VCAM1: variants seen among roughly 807,000 people sequenced by gnomAD.
The protein encoded by VCAM1 is vascular cell adhesion molecule 1.
Under a neutral mutation model 63.8 loss-of-function variants are expected in VCAM1, and 41 were observed. The observed-to-expected ratio is 0.64, with a 90% confidence interval of 0.50 to 0.83. The LOEUF is 0.83. Ranked by LOEUF, VCAM1 falls within the 40% of genes least tolerant of loss-of-function variation. The pLI, the probability that VCAM1 is intolerant of heterozygous loss-of-function variation, is 0.00. For missense variants in VCAM1, 798 were observed against 875.5 expected (o/e 0.91, Z 1.12); for synonymous variants, 338 against 320.7 (o/e 1.05, Z -0.58).
At chr1:100,733,142 G>C (rs1660522962) in intron 7 of VCAM1, among the ~76,000 whole-genome samples, 1 of 152,194 alleles carries the variant, frequency 6.6e-6, no homozygotes. Flanking sequence ...ATTATGAGTA[G>C]CCATGACTCC....
chr1:100,719,939 T>C lies in VCAM1; in HGVS notation c.64+15T>C. 1 of 1,605,712 alleles carries C rather than the reference T, an allele frequency of 6.2e-7. No homozygotes were observed. Among genetic ancestry groups the C allele is most frequent in the Non-Finnish European group, 8.5e-7 (1 of 1,174,026 alleles). ...GTTTGCAGCTTGTAAGTTATTTCCCTTCATCTGTTTCAAATGTTAGCATTC... is the reference window on the plus strand; with the variant it reads ...GTTTGCAGCTTGTAAGTTATTTCCCCTCATCTGTTTCAAATGTTAGCATTC... On this transcript the variant is annotated intron_variant, in intron 1 of 8. Coordinates refer to ENST00000294728, the MANE Select transcript of VCAM1 (RefSeq NM_001078.4).
At chr1:100,735,711 A>G (rs1660626723) in intron 8 of VCAM1, 1 of 152,150 alleles carries the variant, frequency 6.6e-6, no homozygotes, top group Non-Finnish European at 1.5e-5. Flanking sequence ...TCTTCACAGT[A>G]CCTCCTCAAA....
chr1:100,731,402 T>G lies in VCAM1; in HGVS notation c.1409T>G (p.Phe470Cys). ...SLENKSLEMT[F>C]IPTIEDTGKA... ...GAGAACAAAAGTTTGGAAATGACCT[T>G]CATCCCTACCATTGAAGATACTGGA... The change falls in exon 6 of 9, where the codon TTC becomes TGC. Residue 470 changes from phenylalanine (F) to cysteine (C), a missense_variant. Coordinates refer to ENST00000294728, the MANE Select transcript of VCAM1 (RefSeq NM_001078.4). The surrounding 1 kb of genome is among the most constrained non-coding windows in gnomAD (Gnocchi z 4.2). The G allele has an allele frequency of 6.2e-7, 1 of 1,613,840 alleles. No homozygotes were observed. The highest frequency in any genetic ancestry group is 1.1e-5 in the South Asian group (1 of 91,072).
intron 6 of VCAM1, among the ~76,000 whole-genome samples, chr1:100,732,084 T>C (rs1278306920): frequency 1.3e-5 from 2 of 152,174 alleles, no homozygotes; most frequent in Admixed American, 1.3e-4. Context: ...ATAGACCACA[T>C]CTTTTCACAG....
chr1:100,732,517 C>T lies in VCAM1; in HGVS notation c.1625C>T (p.Pro542Leu), dbSNP rs745882659. The T allele has an allele frequency of 4.3e-6, 7 of 1,612,934 alleles. No homozygotes were observed. Among genetic ancestry groups the T allele is most frequent in the East Asian group, 2.2e-5 (1 of 44,804 alleles). The stretch of plus-strand genomic sequence containing the variant: ...TGCTTGAGCCAGGGCTTTCCTGCTC[C>T]GAAAATCCTGTGGAGCAGGCAGCTC... ...MTCLSQGFPA[P>L]KILWSRQLPN... The change falls in exon 7 of 9, where the codon CCG (proline) becomes CTG (leucine). Residue 542 changes from proline to leucine, a missense_variant. By Grantham distance (98) the Pro-to-Leu change is moderately conservative. Coordinates refer to ENST00000294728, the MANE Select transcript of VCAM1 (RefSeq NM_001078.4).
rs114207303 is a variant in VCAM1, at chr1:100,732,555, C to G, written c.1663C>G (p.Leu555Val). ...GAGCAGGCAGCTCCCTAACGGGGAG[C>G]TACAGCCTCTTTCTGAGAATGCAAC... Reference protein sequence around the residue: ...LWSRQLPNGELQPLSENATLT... With the variant: ...LWSRQLPNGEVQPLSENATLT... The change falls in exon 7 of 9, where the codon CTA becomes GTA. Residue 555 changes from leucine (L) to valine (V), a missense_variant. Physicochemically the swap from Leu to Val is conservative, Grantham distance 32. Coordinates refer to ENST00000294728, the MANE Select transcript of VCAM1 (RefSeq NM_001078.4). 3,400 of 1,613,296 alleles carry G rather than the reference C, an allele frequency of 2.1e-3. 8 individuals carry two copies. Among genetic ancestry groups the G allele is most frequent in the Non-Finnish European group, 2.5e-3 (2,951 of 1,179,702 alleles).
Position 100,738,235 on chromosome 1 carries a change from C to G in VCAM1, c.2172C>G (p.Asn724Lys), listed in dbSNP as rs1188813277. 2.5e-6 allele frequency: 4 copies of G among 1,613,758 alleles called. No individual in the cohort carries two copies. The Admixed American group carries it at 6.7e-5, about 27-fold the overall frequency. ...GMIIYFARKA[N>K]MKGSYSLVEA... ...TAATTTACTTTGCAAGAAAAGCCAA[C>G]ATGAAGGGGTCATATAGTCTTGTAG... Residue 724 changes from asparagine to lysine, a missense_variant, in exon 9 of 9, where the codon AAC becomes AAG. Transcript: ENST00000294728.
rs1659884267 is a variant in VCAM1 at position 100,719,790 on chromosome 1, C to G, written c.-71C>G. ...TGGCTTCAGGAGCTGAATACCCTCC[C>G]AGGCACACACAGGTGGGACACAAAT... On this transcript the variant is annotated 5_prime_UTR_variant, in exon 1 of 9. Coordinates refer to ENST00000294728, the MANE Select transcript of VCAM1 (RefSeq NM_001078.4). 2.0e-6 allele frequency: 3 copies of G among 1,526,408 alleles called. No individual in the cohort carries two copies. The highest frequency in any genetic ancestry group is 2.7e-6 in the Non-Finnish European group (3 of 1,112,758). 94.6% of individuals were successfully genotyped at this position (1,526,408 alleles called of 1,614,324 possible).
Position 100,731,599 on chromosome 1 carries a change from A to G in VCAM1, c.1525+81A>G. ...CCAGGCAATAGTTAACATAAGGTTAATCGTTAAAACCTCTGTGGAGAAAAA... is the reference window on the plus strand; with the variant it reads ...CCAGGCAATAGTTAACATAAGGTTAGTCGTTAAAACCTCTGTGGAGAAAAA... On this transcript the variant is annotated intron_variant, in intron 6 of 8. Transcript: ENST00000294728. This position sits in a 1 kb window ranked among gnomAD's most constrained non-coding sequence, Gnocchi z 4.2. 1 of 1,340,864 alleles carries G rather than the reference A, an allele frequency of 7.5e-7. No homozygotes were observed. Among genetic ancestry groups the G allele is most frequent in the South Asian group, 1.5e-5 (1 of 67,392 alleles). 83.1% of individuals were successfully genotyped at this position (1,340,864 alleles called of 1,614,324 possible). A position where few individuals can be genotyped will look rare whatever the true frequency, so the allele number is the denominator to read the frequency against.
chr1:100,728,454 A>G lies in VCAM1; in HGVS notation c.929-653A>G, dbSNP rs144245357. Among the ~76,000 whole-genome samples the G allele has an allele frequency of 2.0e-5, 3 of 152,098 alleles. No homozygotes were observed. The East Asian group carries it at 5.8e-4, about 30-fold the overall frequency. On this transcript the variant is annotated intron_variant, in intron 4 of 8. Transcript: ENST00000294728. Reference sequence around the variant, plus strand: ...CTTTTTCCAGTACCTCTTTTAGACCATTTTATCACCATATGAGGATGACTT... The same window carrying G: ...CTTTTTCCAGTACCTCTTTTAGACCGTTTTATCACCATATGAGGATGACTT...
chr1:100,734,903 C>G, intron 8 of VCAM1, 135 bp downstream of exon 8: 1 of 1,094,688 alleles, frequency 9.1e-7, no homozygotes, highest in South Asian at 1.7e-5. Flanking sequence ...TTGGAAAAAT[C>G]AAGCACAGCT....
rs775580385 is a variant in VCAM1, at chr1:100,729,261, T to A, written c.1083T>A (p.Ser361Arg). ...IDSPLSGKVR[S>R]EGTNSTLTLS... is the part of the protein sequence containing the mutation. The stretch of plus-strand genomic sequence containing the variant: ...GCCCTCTGAGCGGGAAGGTGAGGAG[T>A]GAGGGGACCAATTCCACGCTGACCC... Residue 361 changes from serine (S) to arginine (R), a missense_variant, in exon 5 of 9, where the codon AGT becomes AGA. Coordinates refer to ENST00000294728, the MANE Select transcript of VCAM1 (RefSeq NM_001078.4). The A allele has an allele frequency of 8.1e-6, 13 of 1,613,146 alleles. 1 individual carries two copies. In the South Asian group the frequency reaches 1.4e-4, roughly 18 times the overall value.
In VCAM1 at chr1:100,731,740, G is replaced by C. The variant is rs1422855515; in HGVS notation, c.1525+222G>C. Among the ~76,000 whole-genome samples, 5 of 152,128 alleles carry C rather than the reference G, an allele frequency of 3.3e-5. No individual in the cohort carries two copies. Among genetic ancestry groups the C allele is most frequent in the African/African-American group, 9.7e-5 (4 of 41,430 alleles). On this transcript the variant is annotated intron_variant, in intron 6 of 8. Transcript: ENST00000294728. The surrounding 1 kb of genome is among the most constrained non-coding windows in gnomAD (Gnocchi z 4.2). Reference sequence around the variant, plus strand: ...GCTTTGAGTAGGCAATTTAGGAAGGGACCAGCTAGGCAGTTATTCTGTTCA... The same window carrying C: ...GCTTTGAGTAGGCAATTTAGGAAGGCACCAGCTAGGCAGTTATTCTGTTCA...
chr1:100,721,389 C>A (rs1339689565), intron 2 of VCAM1, among the ~76,000 whole-genome samples: 1 of 151,896 alleles, frequency 6.6e-6, no homozygotes, highest in African/African-American at 2.4e-5. Context: ...CTAGATTTGC[C>A]TCATGAAAGT....
chr1:100,721,815 A>G (rs1267577535), intron 2 of VCAM1, among the ~76,000 whole-genome samples: 1 of 152,068 alleles, frequency 6.6e-6, no homozygotes, highest in Non-Finnish European at 1.5e-5. Context: ...GCAAGTTCTT[A>G]TGTTACCTGA....
intron 4 of VCAM1, among the ~76,000 whole-genome samples, chr1:100,727,185 G>A (rs1441907149): frequency 4.6e-5 from 7 of 151,812 alleles, no homozygotes; most frequent in African/African-American, 9.7e-5. Context: ...TCTTTTGTTT[G>A]TTTTAGGAAA....
Position 100,732,364 on chromosome 1 carries a change from C to T in VCAM1, c.1526-54C>T, listed in dbSNP as rs1481875621. ...CCAGTTTTGCAACATTATTAAAACT[C>T]TTTGGAACTCAGGGCATAATAGGTC... On this transcript the variant is annotated intron_variant, in intron 6 of 8. Coordinates refer to ENST00000294728, the MANE Select transcript of VCAM1 (RefSeq NM_001078.4). The T allele has an allele frequency of 2.7e-6, 4 of 1,484,170 alleles. No homozygotes were observed. The African/African-American group carries it at 5.7e-5, about 21-fold the overall frequency. The allele number at this position is 1,484,170 out of a possible 1,614,324, so 91.9% of individuals were successfully genotyped here.
At chr1:100,732,369 G>A (rs776401977) in intron 6 of VCAM1, 49 bp from the exon 7 acceptor site, 41 of 1,485,812 alleles carry the variant, frequency 2.8e-5, no homozygotes, top group Non-Finnish European at 3.7e-5. Flanking sequence ...AAACTCTTTG[G>A]AACTCAGGGC....
chr1:100,731,284 T>A lies in VCAM1; in HGVS notation c.1291T>A (p.Tyr431Asn). Reference protein sequence around the residue: ...VTVSCKVPSVYPLDRLEIELL... With the variant: ...VTVSCKVPSVNPLDRLEIELL... The stretch of plus-strand genomic sequence containing the variant: ...TGTAAGCTGCAAGGTTCCTAGCGTG[T>A]ACCCCCTTGACCGGCTGGAGATTGA... The change falls in exon 6 of 9, where the codon TAC becomes AAC. Residue 431 changes from tyrosine (Y) to asparagine (N), a missense_variant. Physicochemically the swap from Tyr to Asn is moderately radical, Grantham distance 143. Coordinates refer to ENST00000294728, the MANE Select transcript of VCAM1 (RefSeq NM_001078.4). This position sits in a 1 kb window ranked among gnomAD's most constrained non-coding sequence, Gnocchi z 4.2. 6.2e-7 allele frequency: 1 copy of A among 1,613,864 alleles called. No individual in the cohort carries two copies. Among genetic ancestry groups the A allele is most frequent in the Non-Finnish European group, 8.5e-7 (1 of 1,179,852 alleles).
Sources: allele counts gnomAD v4.1 joint callset (sites outside exome capture counted in the v4.1 genomes callset), GRCh38; gene constraint gnomAD v4.1.1; non-coding constraint Gnocchi (gnomAD v3.1); transcripts MANE v1.5; gene names NCBI Gene and HGNC (gene_info 2026-07-23, HGNC 2026-07-21).